ARHGEF28: variants seen among roughly 807,000 people sequenced by gnomAD.
The protein encoded by ARHGEF28 is 190 kDa guanine nucleotide exchange factor.
A neutral mutation model predicts 206.6 loss-of-function variants in ARHGEF28; 152 were observed. That is an observed-to-expected ratio of 0.74 (90% CI 0.64 to 0.84). The LOEUF is 0.84. ARHGEF28 is among the 40% of genes least tolerant of loss of function. ARHGEF28 has a pLI of 0.00. For synonymous variants in ARHGEF28, 763 were observed against 776.4 expected (o/e 0.98, Z 0.29); for missense variants, 2,028 against 2,073.2 (o/e 0.98, Z 0.42).
intron 10 of ARHGEF28, among the ~76,000 whole-genome samples, chr5:73,834,382 T>G (rs1338941963): frequency 6.6e-6 from 1 of 152,206 alleles, no homozygotes; most frequent in Non-Finnish European, 1.5e-5. Flanking sequence ...ACTCACTGTT[T>G]CTATGAGTTT....
chr5:73,666,545 C>G (rs1398945396), intron 1 of ARHGEF28, among the ~76,000 whole-genome samples: 1 of 152,146 alleles, frequency 6.6e-6, no homozygotes, highest in Non-Finnish European at 1.5e-5. Flanking sequence ...CTGCTGTGGC[C>G]CCACAGCTTC....
At chr5:73,932,371 A>G (rs1764175649) in intron 35 of ARHGEF28, among the ~76,000 whole-genome samples, 1 of 152,172 alleles carries the variant, frequency 6.6e-6, no homozygotes, top group Non-Finnish European at 1.5e-5. Flanking sequence ...ATTTGGGTAA[A>G]TCTATGGGAG....
At chr5:73,934,736 A>G (rs1764322919) in intron 35 of ARHGEF28, among the ~76,000 whole-genome samples, 1 of 152,188 alleles carries the variant, frequency 6.6e-6, no homozygotes, top group Non-Finnish European at 1.5e-5. Context: ...TTTTGCTCTG[A>G]GAGATTTATA....
At chr5:73,751,109 C>T (rs559855496) in intron 3 of ARHGEF28, among the ~76,000 whole-genome samples, 1 of 152,272 alleles carries the variant, frequency 6.6e-6, no homozygotes, top group African/African-American at 2.4e-5. Context: ...AAAGAAAAGA[C>T]AGTCAAACCG....
At chr5:73,803,867 AC>A (rs1249212879) in intron 9 of ARHGEF28, among the ~76,000 whole-genome samples, 15 of 152,074 alleles carry the variant, frequency 9.9e-5, no homozygotes, top group Admixed American at 6.6e-5. Context: ...TGGGAGGATC[AC>A]CTGAGCTCAC....
chr5:73,799,077 G>A (rs1329418421), intron 9 of ARHGEF28, among the ~76,000 whole-genome samples: 3 of 152,136 alleles, frequency 2.0e-5, no homozygotes, highest in Admixed American at 6.5e-5. Context: ...GCAACAGAGC[G>A]AGACTCCATC....
intron 1 of ARHGEF28, among the ~76,000 whole-genome samples, chr5:73,658,831 G>T (rs986490763): frequency 6.6e-6 from 1 of 152,052 alleles, no homozygotes; most frequent in African/African-American, 2.4e-5. Flanking sequence ...TTCCACATCT[G>T]GGGAATTTTG....
At chr5:73,939,203 G>A (rs748738757) in intron 35 of ARHGEF28, among the ~76,000 whole-genome samples, 21 of 152,034 alleles carry the variant, frequency 1.4e-4, no homozygotes, top group Non-Finnish European at 2.6e-4. Flanking sequence ...CCTGAGCCTC[G>A]GTTTCCCAGC....
At chr5:73,797,145 C>T (rs1218076759) in intron 9 of ARHGEF28, among the ~76,000 whole-genome samples, 1 of 152,206 alleles carries the variant, frequency 6.6e-6, no homozygotes, top group East Asian at 1.9e-4. Flanking sequence ...ATGAGCACAA[C>T]TTTAGTCCAG....
chr5:73,775,411 G>A (rs1753485192), intron 5 of ARHGEF28, among the ~76,000 whole-genome samples: 1 of 152,128 alleles, frequency 6.6e-6, no homozygotes, highest in Non-Finnish European at 1.5e-5. Context: ...CATCTCAGTG[G>A]CTTGTTATTG....
chr5:73,666,822 G>A (rs1334388240), intron 1 of ARHGEF28, among the ~76,000 whole-genome samples: 1 of 152,148 alleles, frequency 6.6e-6, no homozygotes, highest in African/African-American at 2.4e-5. Flanking sequence ...TATTCAATAA[G>A]CTACAGGAGA....
chr5:73,697,808 C>G (rs1306753864), intron 2 of ARHGEF28, among the ~76,000 whole-genome samples: 1 of 152,174 alleles, frequency 6.6e-6, no homozygotes, highest in Non-Finnish European at 1.5e-5. Context: ...TCATGGTGCC[C>G]TACAACATGT....
rs1762903488 is a variant in ARHGEF28, at chr5:73,911,501, A to G, written c.4874A>G (p.Lys1625Arg). ...TCTCAGCCTTCGAATGTCAGTCACA[A>G]ACTGTGGACAGCCGCTGGTTCCGGC... ...DPSQPSNVSH[K>R]LWTAAGSGHQ... The change falls in exon 35 of 36, where the codon AAA becomes AGA. Residue 1625 changes from lysine to arginine, a missense_variant. Physicochemically the swap from Lys to Arg is conservative, Grantham distance 26. This residue lies in a region of ARHGEF28 where 803 missense variants were observed against 768.0 expected (regional missense o/e 1.05). Transcript: ENST00000513042. 6.2e-7 allele frequency: 1 copy of G among 1,613,724 alleles called. No homozygotes were observed. Among genetic ancestry groups the G allele is most frequent in the East Asian group, 2.2e-5 (1 of 44,892 alleles).
intron 35 of ARHGEF28, among the ~76,000 whole-genome samples, chr5:73,916,712 G>T (rs1763233962): frequency 6.6e-6 from 1 of 151,996 alleles, no homozygotes; most frequent in South Asian, 2.1e-4. Context: ...TGAATTTTGG[G>T]GGGACACAGT....
At chr5:73,860,540 A>G (rs147349013) in intron 16 of ARHGEF28, among the ~76,000 whole-genome samples, 3,267 of 152,032 alleles carry the variant, frequency 0.021, 47 homozygotes, top group Non-Finnish European at 0.032. Flanking sequence ...CTTTAATTCC[A>G]CTGCCCTCTT....
intron 31 of ARHGEF28, chr5:73,902,467 A>G (rs1762323969): frequency 6.6e-6 from 1 of 152,184 alleles, no homozygotes; most frequent in Non-Finnish European, 1.5e-5. Context: ...TAGATAATTG[A>G]GGTTAAGTGT....
intron 2 of ARHGEF28, among the ~76,000 whole-genome samples, chr5:73,687,734 A>G (rs1261973435): frequency 6.6e-6 from 1 of 151,758 alleles, no homozygotes; most frequent in Non-Finnish European, 1.5e-5. Flanking sequence ...TTTCTTATTT[A>G]TATATATTTA....
Position 73,753,209 on chromosome 5 carries a change from C to A in ARHGEF28, c.475+7C>A. Reference sequence around the variant, plus strand: ...GGAAGTTCTTCACTTGAAGGTGGGTCATCACCAGAAAATTCAGATATCCCC... The same window carrying A: ...GGAAGTTCTTCACTTGAAGGTGGGTAATCACCAGAAAATTCAGATATCCCC... On this transcript the variant is annotated splice_region_variant and intron_variant, in intron 4 of 35. Coordinates refer to ENST00000513042, the MANE Select transcript of ARHGEF28 (RefSeq NM_001177693.2). The A allele has an allele frequency of 6.6e-7, 1 of 1,516,992 alleles. No individual in the cohort carries two copies. Among genetic ancestry groups the A allele is most frequent in the South Asian group, 1.3e-5 (1 of 74,416 alleles). 94.0% of individuals were successfully genotyped at this position (1,516,992 alleles called of 1,614,324 possible).
intron 33 of ARHGEF28, 136 bp from the exon 34 acceptor site, chr5:73,909,276 T>G (rs1762725353): frequency 2.2e-6 from 3 of 1,350,904 alleles, no homozygotes; most frequent in Non-Finnish European, 3.0e-6. Context: ...TGGAGGTAAC[T>G]TAGAAAAAGG....
Sources: gnomAD v4.1 joint callset for allele counts (sites outside exome capture counted in the v4.1 genomes callset) on GRCh38, gnomAD v4.1.1 for gene constraint, gnomAD v4.1.1 regional missense constraint, MANE v1.5 for transcripts, NCBI Gene and HGNC (gene_info 2026-07-23, HGNC 2026-07-21) for gene names.